The following MYO7A variants were observed in gnomAD, a reference collection of about 807,000 sequenced individuals.
The protein encoded by MYO7A is myosin VIIA.
A neutral mutation model predicts 263.8 loss-of-function variants in MYO7A; 210 were observed. The ratio of observed to expected loss-of-function variants is 0.80; its 90% CI spans 0.71 to 0.89. The LOEUF is 0.89. MYO7A is among the 40% of genes least tolerant of loss of function. The pLI, the probability that MYO7A is intolerant of heterozygous loss-of-function variation, is 0.00. For synonymous variants in MYO7A, 1,239 were observed against 1,197.3 expected (o/e 1.03, Z -0.72); for missense variants, 2,820 against 2,968.3 (o/e 0.95, Z 1.16).
Position 77,203,110 on chromosome 11 carries a change from G to A in MYO7A, c.5219G>A (p.Gly1740Asp), listed in dbSNP as rs1353020975. The change falls in exon 38 of 49, where the codon GGC (glycine) becomes GAC (aspartate). Residue 1740 changes from glycine to aspartate, a missense_variant. Gly to Asp is a moderately conservative substitution (Grantham distance 94, BLOSUM62 -1). Coordinates refer to ENST00000409709, the MANE Select transcript of MYO7A (RefSeq NM_000260.4). Reference protein sequence around the residue: ...LSRVMVSKARGKDRLWSHTRE... With the variant: ...LSRVMVSKARDKDRLWSHTRE... ...CGTGTCATGGTGTCCAAGGCCCGAGGCAAGGACCGGCTGTGGAGCCACACG... is the reference window on the plus strand; with the variant it reads ...CGTGTCATGGTGTCCAAGGCCCGAGACAAGGACCGGCTGTGGAGCCACACG... 20 of 1,549,382 alleles carry A rather than the reference G, an allele frequency of 1.3e-5. No individual in the cohort carries two copies. The highest frequency in any genetic ancestry group is 1.7e-5 in the Non-Finnish European group (19 of 1,147,172).
chr11:77,190,789 G>T lies in MYO7A; in HGVS notation c.3843G>T (p.Lys1281Asn). Residue 1281 changes from lysine to asparagine, a missense_variant, in exon 30 of 49, where the codon AAG (lysine) becomes AAT (asparagine). By Grantham distance (94) the Lys-to-Asn change is moderately conservative (BLOSUM62 0). Transcript: ENST00000409709. ...TGACGGACTCGGCAACCACGGCCAA[G>T]GAGCTCTGCAACGCGCTGGCCGACA... is the stretch of plus-strand genomic sequence containing the variant. Reference protein sequence around the residue: ...TLLTDSATTAKELCNALADKI... With the variant: ...TLLTDSATTANELCNALADKI... 6.3e-7 allele frequency: 1 copy of T among 1,596,092 alleles called. No homozygotes were observed. The highest frequency in any genetic ancestry group is 2.3e-5 in the East Asian group (1 of 43,976).
chr11:77,148,573 G>C (rs557330400), intron 4 of MYO7A, among the ~76,000 whole-genome samples: 3 of 152,170 alleles, frequency 2.0e-5, no homozygotes, highest in Non-Finnish European at 4.4e-5. Flanking sequence ...AGGGCCCGTG[G>C]AGATCATTTA....
intron 26 of MYO7A, 35 bp downstream of exon 26, chr11:77,183,192 G>A (rs1555086098): frequency 6.5e-7 from 1 of 1,532,860 alleles, no homozygotes; most frequent in African/African-American, 1.4e-5. Flanking sequence ...GCAGCCCAGG[G>A]GTGGCTGCCT....
chr11:77,175,880 G>T (rs74663976), intron 18 of MYO7A, among the ~76,000 whole-genome samples: 1 of 152,212 alleles, frequency 6.6e-6, no homozygotes, highest in African/African-American at 2.4e-5. Flanking sequence ...GGCCCATCCC[G>T]TGCTGGGGTC....
intron 16 of MYO7A, among the ~76,000 whole-genome samples, chr11:77,174,329 C>A (rs539136658): frequency 6.6e-6 from 1 of 152,220 alleles, no homozygotes; most frequent in African/African-American, 2.4e-5. Flanking sequence ...CACCCCTCAC[C>A]TGCACAGCCA....
rs782361954 is a variant in MYO7A, at chr11:77,156,885, C to T, written c.616C>T (p.Arg206Cys). ...AGCATTTGGGAATGCCAAGACCATC[C>T]GCAATGACAACTCAAGCCGTTTCGG... ...LEAFGNAKTI[R>C]NDNSSRFGKY... The change falls in exon 7 of 49, where the codon CGC becomes TGC. Residue 206 changes from arginine to cysteine, a missense_variant. Arg to Cys is a radical substitution (Grantham distance 180). Transcript: ENST00000409709. 31 of 1,613,992 alleles carry T rather than the reference C, an allele frequency of 1.9e-5. No homozygotes were observed. The highest frequency in any genetic ancestry group is 1.7e-4 in the Middle Eastern group (1 of 6,060).
At chr11:77,158,485 G>A in intron 9 of MYO7A, 55 bp downstream of exon 9, 2 of 1,563,724 alleles carry the variant, frequency 1.3e-6, no homozygotes, top group Non-Finnish European at 1.7e-6. Context: ...GCAGTGCAGT[G>A]CCTTGCTGCC....
intron 31 of MYO7A, 151 bp from the exon 32 acceptor site, chr11:77,194,203 G>T (rs1470011252): frequency 1.1e-6 from 1 of 922,132 alleles, no homozygotes; most frequent in Non-Finnish European, 1.7e-6. Context: ...AGAATTCCCT[G>T]GTGAATCAGT....
chr11:77,196,366 CAA>C (rs59969033), intron 32 of MYO7A, among the ~76,000 whole-genome samples: 4 of 137,406 alleles, frequency 2.9e-5, no homozygotes, highest in Non-Finnish European at 1.6e-5. Context: ...GACTCCTTCT[CAA>C]AAAAAAAAAA....
chr11:77,142,074 G>A lies in MYO7A; in HGVS notation c.19-635G>A, dbSNP rs142610588. On this transcript the variant is annotated intron_variant, in intron 2 of 48. Transcript: ENST00000409709. ...CCATTTCTCTGACTTGGGATTTTAC[G>A]TTTGGCTCTCACGATCCCTTGCTGA... 1.8e-3 allele frequency among the ~76,000 whole-genome samples: 280 copies of A among 152,304 alleles called. 1 individual carries two copies. The highest frequency in any genetic ancestry group is 6.4e-3 in the African/African-American group (267 of 41,560).
In MYO7A at chr11:77,179,209, C is replaced by T. The variant is rs1954942495; in HGVS notation, c.2367+80C>T. On this transcript the variant is annotated intron_variant, in intron 20 of 48. Coordinates refer to ENST00000409709, the MANE Select transcript of MYO7A (RefSeq NM_000260.4). ...CTGCCATGGCAGTGGGACTGGCCTG[C>T]ACCCAGGCAGCACAGCCTGGCCTCG... 2.3e-6 allele frequency: 3 copies of T among 1,293,250 alleles called. No homozygotes were observed. In the South Asian group the frequency reaches 4.0e-5, roughly 17 times the overall value. 80.1% of individuals were successfully genotyped at this position (1,293,250 alleles called of 1,614,324 possible).
At chr11:77,160,826 G>C (rs1952922788) in intron 11 of MYO7A, 147 bp from the exon 12 acceptor site, 1 of 869,746 alleles carries the variant, frequency 1.1e-6, no homozygotes, top group East Asian at 2.7e-5. Flanking sequence ...TCCAGGCAGA[G>C]GGAACAGCTC....
intron 2 of MYO7A, among the ~76,000 whole-genome samples, chr11:77,140,368 A>T (rs1951134997): frequency 6.6e-6 from 1 of 152,206 alleles, no homozygotes; most frequent in Middle Eastern, 3.2e-3. Context: ...AGGGAATGTC[A>T]GGAAAGAGCC....
chr11:77,201,707 C>G (rs1049226348), intron 36 of MYO7A, 69 bp downstream of exon 36: 3 of 1,491,154 alleles, frequency 2.0e-6, no homozygotes, highest in Non-Finnish European at 2.8e-6. Flanking sequence ...CTTCCCACAG[C>G]TGTACAATAG....
At position 77,199,534 on chromosome 11, in the gene MYO7A, G is replaced by A. The variant is rs775792432; in HGVS notation, c.4569-1G>A. 1.3e-6 allele frequency: 2 copies of A among 1,488,838 alleles called. No homozygotes were observed. Among genetic ancestry groups the A allele is most frequent in the African/African-American group, 2.8e-5 (2 of 71,794 alleles). 92.2% of individuals were successfully genotyped at this position (1,488,838 alleles called of 1,614,324 possible). A position where few individuals can be genotyped will look rare whatever the true frequency, so the allele number is the denominator to read the frequency against. On this transcript the variant is annotated splice_acceptor_variant, in intron 34 of 48. Transcript: ENST00000409709. LOFTEE classifies it high-confidence loss of function. Reference sequence around the variant, plus strand: ...ACTCAACTGGCCTTGATCTCCTTCAGGGAGTGCCGTGTCTGGCTCTCACTG... The same window carrying A: ...ACTCAACTGGCCTTGATCTCCTTCAAGGAGTGCCGTGTCTGGCTCTCACTG...
At chr11:77,172,046 G>C (rs1460900236) in intron 15 of MYO7A, among the ~76,000 whole-genome samples, 3 of 152,160 alleles carry the variant, frequency 2.0e-5, no homozygotes, top group Admixed American at 1.3e-4. Context: ...GGCCTGCCCC[G>C]CCCCCAGCCT....
In MYO7A at chr11:77,203,940, C is replaced by T. The variant is rs1238025892; in HGVS notation, c.5327-136C>T. 1.5e-5 allele frequency: 15 copies of T among 969,186 alleles called. No homozygotes were observed. The Admixed American group carries it at 2.1e-4, about 14-fold the overall frequency. 60.0% of individuals were successfully genotyped at this position (969,186 alleles called of 1,614,324 possible). On this transcript the variant is annotated intron_variant, in intron 38 of 48. Coordinates refer to ENST00000409709, the MANE Select transcript of MYO7A (RefSeq NM_000260.4). ...CGGAGAGAGGGTGGGGCAGATCATGCCCATTTTGTGAGTGTGCAGCCTGAG... is the reference window on the plus strand; with the variant it reads ...CGGAGAGAGGGTGGGGCAGATCATGTCCATTTTGTGAGTGTGCAGCCTGAG...
At chr11:77,180,660 T>C (rs1399128230) in intron 22 of MYO7A, among the ~76,000 whole-genome samples, 179 bp downstream of exon 22, 8 of 152,186 alleles carry the variant, frequency 5.3e-5, no homozygotes, top group African/African-American at 1.9e-4. Context: ...TCCTGTGCCA[T>C]GCAAAAGGAT....
At chr11:77,144,960 C>T (rs544552607) in intron 3 of MYO7A, among the ~76,000 whole-genome samples, 83 of 152,314 alleles carry the variant, frequency 5.4e-4, no homozygotes, top group African/African-American at 1.9e-3. Context: ...CCCCCAGTTG[C>T]TGGCATTTCT....
Sources: gnomAD v4.1 joint callset for allele counts (sites outside exome capture counted in the v4.1 genomes callset) on GRCh38, gnomAD v4.1.1 for gene constraint, MANE v1.5 for transcripts, NCBI Gene and HGNC (gene_info 2026-07-23, HGNC 2026-07-21) for gene names.